The following CTIF variants were observed in gnomAD, a reference collection of about 807,000 sequenced individuals.
CTIF encodes the protein CBP80/20-dependent translation initiation factor.
Under a neutral mutation model 66.0 loss-of-function variants are expected in CTIF, and 21 were observed. That is an observed-to-expected ratio of 0.32 (90% CI 0.23 to 0.46). The LOEUF is 0.46. Ranked by LOEUF, CTIF falls within the 20% of genes least tolerant of loss-of-function variation. The pLI is 1.00. For synonymous variants in CTIF, 345 were observed against 326.4 expected, an observed-to-expected ratio of 1.06 and a Z score of -0.62; for missense variants, 739 against 812.7, an observed-to-expected ratio of 0.91 and a Z score of 1.10.
chr18:48,856,143 G>T (rs979059078), intron 10 of CTIF, among the ~76,000 whole-genome samples: 2 of 152,220 alleles, frequency 1.3e-5, no homozygotes, highest in Non-Finnish European at 2.9e-5. Flanking sequence ...AGTGGTCCGT[G>T]GGGCTTGGTG....
At chr18:48,611,591 G>T (rs1322635099) in intron 1 of CTIF, among the ~76,000 whole-genome samples, 1 of 151,980 alleles carries the variant, frequency 6.6e-6, no homozygotes, top group Non-Finnish European at 1.5e-5. Context: ...GGCAGCAGCA[G>T]CCTCACCTGG....
chr18:48,843,398 G>A (rs758189141), intron 10 of CTIF, among the ~76,000 whole-genome samples: 1 of 152,114 alleles, frequency 6.6e-6, no homozygotes, highest in Non-Finnish European at 1.5e-5. Context: ...AGTGGGGAGG[G>A]CTTGCAGGCT....
At chr18:48,673,001 C>T (rs1023395302) in intron 6 of CTIF, among the ~76,000 whole-genome samples, 4 of 152,162 alleles carry the variant, frequency 2.6e-5, no homozygotes, top group Non-Finnish European at 5.9e-5. Flanking sequence ...TCACTCAGCC[C>T]TTCTCTGCCT....
rs917301974 is a variant in CTIF, at chr18:48,679,410, G to A, written c.507+8666G>A. On this transcript the variant is annotated intron_variant, in intron 6 of 11. Coordinates refer to ENST00000256413, the MANE Select transcript of CTIF (RefSeq NM_014772.3). ...GTAGTCACATCTGGAAGCAGGCAGA[G>A]AACTGGCAAGCTTGGCAGATAAGAA... Among the ~76,000 whole-genome samples, 19 of 152,326 alleles carry A rather than the reference G, an allele frequency of 1.2e-4. No individual in the cohort carries two copies. The East Asian group carries it at 3.7e-3, about 29-fold the overall frequency.
At chr18:48,641,042 T>C (rs759789650) in intron 3 of CTIF, among the ~76,000 whole-genome samples, 1 of 152,172 alleles carries the variant, frequency 6.6e-6, no homozygotes, top group Non-Finnish European at 1.5e-5. Context: ...CCTGACATCC[T>C]GGCATCCTCT....
chr18:48,710,218 C>T (rs928902369), intron 6 of CTIF, among the ~76,000 whole-genome samples: 6 of 152,258 alleles, frequency 3.9e-5, no homozygotes, highest in Non-Finnish European at 8.8e-5. Flanking sequence ...CTCTAACTCA[C>T]TGTGTGGCCA....
intron 6 of CTIF, among the ~76,000 whole-genome samples, chr18:48,675,231 T>C (rs1345078935): frequency 6.6e-6 from 1 of 152,182 alleles, no homozygotes; most frequent in African/African-American, 2.4e-5. Flanking sequence ...AAGGCTGGTG[T>C]CCTGGTAGCA....
At chr18:48,829,064 G>A (rs2068639296) in intron 10 of CTIF, among the ~76,000 whole-genome samples, 1 of 152,252 alleles carries the variant, frequency 6.6e-6, no homozygotes, top group South Asian at 2.1e-4. Context: ...GGCAGCTGCT[G>A]AAGGCTTGGA....
intron 1 of CTIF, among the ~76,000 whole-genome samples, chr18:48,553,444 G>T (rs150658655): frequency 6.6e-6 from 1 of 152,132 alleles, no homozygotes; most frequent in Non-Finnish European, 1.5e-5. Context: ...GGCAGATGAC[G>T]GTGAGGAGCG....
chr18:48,603,368 T>TGG (rs2090135563), intron 1 of CTIF, among the ~76,000 whole-genome samples: 7 of 140,378 alleles, frequency 5.0e-5, no homozygotes, highest in Admixed American at 1.4e-4. Flanking sequence ...GATAGGTGGG[T>TGG]AGATGGATGG....
intron 1 of CTIF, among the ~76,000 whole-genome samples, chr18:48,596,994 A>G (rs1323091467): frequency 6.6e-6 from 1 of 152,206 alleles, no homozygotes; most frequent in African/African-American, 2.4e-5. Context: ...GTGTAAAGCC[A>G]TATCTTCCAC....
At chr18:48,676,161 G>T (rs943485288) in intron 6 of CTIF, among the ~76,000 whole-genome samples, 7 of 152,160 alleles carry the variant, frequency 4.6e-5, no homozygotes, top group African/African-American at 1.7e-4. Context: ...TGGCCCCTAG[G>T]TGAGCATTAG....
intron 1 of CTIF, chr18:48,566,253 A>G (rs2089278101): frequency 6.6e-6 from 1 of 152,276 alleles, no homozygotes; most frequent in East Asian, 1.9e-4. Flanking sequence ...TCATTCATTC[A>G]TTCATTCATT....
At chr18:48,810,279 T>A (rs1392784339) in intron 9 of CTIF, among the ~76,000 whole-genome samples, 1 of 152,072 alleles carries the variant, frequency 6.6e-6, no homozygotes, top group Non-Finnish European at 1.5e-5. Flanking sequence ...TTGGATAACA[T>A]TGGTTTAGAT....
At chr18:48,786,846 TC>T (rs1911754727) in intron 9 of CTIF, among the ~76,000 whole-genome samples, 1 of 150,944 alleles carries the variant, frequency 6.6e-6, no homozygotes, top group African/African-American at 2.4e-5. Flanking sequence ...TTACCACCCT[TC>T]CCCCCACCCA....
At chr18:48,637,278 A>G (rs2090841584) in intron 3 of CTIF, among the ~76,000 whole-genome samples, 1 of 152,130 alleles carries the variant, frequency 6.6e-6, no homozygotes, top group Non-Finnish European at 1.5e-5. Context: ...GGTGGGTTGC[A>G]TGGCTGGGAG....
chr18:48,708,049 T>C (rs758012048), intron 6 of CTIF, among the ~76,000 whole-genome samples: 2 of 152,236 alleles, frequency 1.3e-5, no homozygotes, highest in Non-Finnish European at 2.9e-5. Context: ...GGCTCAGAAC[T>C]TCCTTCCTCT....
chr18:48,779,565 A>G (rs1911014422), intron 9 of CTIF, among the ~76,000 whole-genome samples: 1 of 152,262 alleles, frequency 6.6e-6, no homozygotes, highest in South Asian at 2.1e-4. Flanking sequence ...CCATGCTTTC[A>G]GAGCCTCCTC....
intron 2 of CTIF, among the ~76,000 whole-genome samples, chr18:48,630,995 GATACTTTGAT>G (rs1424471914): frequency 6.6e-6 from 1 of 152,152 alleles, no homozygotes; most frequent in African/African-American, 2.4e-5. Flanking sequence ...AGCTTTATGA[GATACTTTGAT>G]ATCTGGTAGG....
Sources: allele counts gnomAD v4.1 joint callset (sites outside exome capture counted in the v4.1 genomes callset), GRCh38; gene constraint gnomAD v4.1.1; transcripts MANE v1.5; gene names NCBI Gene and HGNC (gene_info 2026-07-23, HGNC 2026-07-21).